Variants in PDE4B observed in about 807,000 individuals in gnomAD.
PDE4B encodes phosphodiesterase 4B, also known as 3',5'-cyclic-AMP phosphodiesterase 4B.
In PDE4B, 20 loss-of-function variants were observed where a neutral mutation model predicts 82.2. The observed-to-expected ratio is 0.24, with a 90% CI of 0.17 to 0.35. The LOEUF (loss-of-function observed/expected upper bound fraction) is 0.35, where lower values mean the gene tolerates loss of function less well. Ranked by LOEUF, PDE4B falls within the 10% of genes least tolerant of loss-of-function variation. The pLI is 1.00. For missense variants in PDE4B, 655 were observed against 907.2 expected (o/e 0.72, Z 3.57); for synonymous variants, 320 against 318.9 (o/e 1.00, Z -0.04).
At chr1:65,974,998 T>C (rs1159637319) in intron 3 of PDE4B, among the ~76,000 whole-genome samples, 2 of 152,172 alleles carry the variant, frequency 1.3e-5, no homozygotes, top group African/African-American at 2.4e-5. Flanking sequence ...GAAGCAACTT[T>C]TGTAACTGGG....
At chr1:66,311,144 A>T (rs1304523340) in intron 7 of PDE4B, among the ~76,000 whole-genome samples, 1 of 152,170 alleles carries the variant, frequency 6.6e-6, no homozygotes, top group African/African-American at 2.4e-5. Flanking sequence ...AGGACCAGTT[A>T]TGCGGTGCAG....
chr1:65,830,219 G>A (rs1010143968), intron 1 of PDE4B, among the ~76,000 whole-genome samples: 5 of 152,040 alleles, frequency 3.3e-5, no homozygotes, highest in South Asian at 2.1e-4. Context: ...ATAAATACAC[G>A]TGCATCTACA....
At chr1:66,011,780 G>A (rs1269265398) in intron 3 of PDE4B, among the ~76,000 whole-genome samples, 2 of 152,028 alleles carry the variant, frequency 1.3e-5, no homozygotes, top group Non-Finnish European at 1.5e-5. Context: ...TGTAACATCT[G>A]AAATTTCAGG....
At position 66,365,538 on chromosome 1, in the gene PDE4B, T is replaced by C. The variant is rs146409890; in HGVS notation, c.1285-129T>C. On this transcript the variant is annotated intron_variant, in intron 12 of 16. Coordinates refer to ENST00000341517, the MANE Select transcript of PDE4B (RefSeq NM_002600.4). ...GAATCTACATTTACTTAAATTAGTA[T>C]ATTGAGATATTACATAAATCAACAA... The C allele has an allele frequency of 1.8e-4, 102 of 562,480 alleles. No homozygotes were observed. In the East Asian group the frequency reaches 2.8e-3, roughly 15 times the overall value. The allele number at this position is 562,480 out of a possible 1,614,324, so 34.8% of individuals were successfully genotyped here.
At chr1:66,258,259 G>A (rs1654404528) in intron 6 of PDE4B, among the ~76,000 whole-genome samples, 1 of 152,178 alleles carries the variant, frequency 6.6e-6, no homozygotes, top group South Asian at 2.1e-4. Context: ...GTAGCAAAAA[G>A]TTCAAGTTCA....
At chr1:65,907,701 T>G (rs1226181866) in intron 1 of PDE4B, among the ~76,000 whole-genome samples, 1 of 152,178 alleles carries the variant, frequency 6.6e-6, no homozygotes, top group Non-Finnish European at 1.5e-5. Context: ...TTCCAAAGAA[T>G]TAGGAGACTT....
At chr1:65,940,076 T>A (rs1025649197) in intron 3 of PDE4B, among the ~76,000 whole-genome samples, 1 of 152,162 alleles carries the variant, frequency 6.6e-6, no homozygotes, top group Non-Finnish European at 1.5e-5. Context: ...AGAGTAAATA[T>A]AAGCTGAGCA....
intron 1 of PDE4B, among the ~76,000 whole-genome samples, chr1:65,891,872 G>A (rs1646856470): frequency 1.3e-5 from 2 of 151,912 alleles, no homozygotes; most frequent in African/African-American, 4.8e-5. Flanking sequence ...TCTTTTAGAG[G>A]TCAAATAATT....
chr1:65,851,639 T>G (rs1242545275), intron 1 of PDE4B, among the ~76,000 whole-genome samples: 1 of 152,066 alleles, frequency 6.6e-6, no homozygotes, highest in Non-Finnish European at 1.5e-5. Context: ...TGCTAGTATA[T>G]AGAAATAAGC....
intron 1 of PDE4B, among the ~76,000 whole-genome samples, chr1:65,900,556 T>C (rs1646960744): frequency 6.6e-6 from 1 of 152,122 alleles, no homozygotes; most frequent in African/African-American, 2.4e-5. Flanking sequence ...ATTATGGGCA[T>C]TTTAATGATA....
intron 7 of PDE4B, among the ~76,000 whole-genome samples, chr1:66,296,089 T>C (rs1245825083): frequency 6.6e-6 from 1 of 152,170 alleles, no homozygotes; most frequent in Non-Finnish European, 1.5e-5. Context: ...TTATTAGGGC[T>C]GTTTGTTTTC....
intron 3 of PDE4B, among the ~76,000 whole-genome samples, chr1:66,084,870 A>G (rs1204303385): frequency 6.6e-6 from 1 of 152,186 alleles, no homozygotes; most frequent in Non-Finnish European, 1.5e-5. Context: ...AGTTACAGGC[A>G]TAGTTCTTGT....
At chr1:65,975,928 C>A (rs931406609) in intron 3 of PDE4B, among the ~76,000 whole-genome samples, 2 of 152,194 alleles carry the variant, frequency 1.3e-5, no homozygotes, top group South Asian at 2.1e-4. Flanking sequence ...TCCTGGAGAA[C>A]CTCTACTAGG....
chr1:66,027,522 A>T (rs902783841), intron 3 of PDE4B, among the ~76,000 whole-genome samples: 2 of 152,136 alleles, frequency 1.3e-5, no homozygotes, highest in Non-Finnish European at 2.9e-5. Context: ...TGCCTTCCCA[A>T]CAATCCCCTG....
intron 3 of PDE4B, among the ~76,000 whole-genome samples, chr1:65,949,754 A>G (rs1225449558): frequency 6.6e-6 from 1 of 152,056 alleles, no homozygotes; most frequent in African/African-American, 2.4e-5. Context: ...GCCTCACTTG[A>G]TACCTTTGTA....
At chr1:66,123,386 T>G (rs1570288839) in intron 3 of PDE4B, among the ~76,000 whole-genome samples, 1 of 152,322 alleles carries the variant, frequency 6.6e-6, no homozygotes, top group East Asian at 1.9e-4. Context: ...CTTACTTTCA[T>G]CGGCACTTTC....
intron 3 of PDE4B, among the ~76,000 whole-genome samples, chr1:65,974,199 A>G (rs532688153): frequency 1.3e-5 from 2 of 152,128 alleles, no homozygotes; most frequent in Non-Finnish European, 2.9e-5. Flanking sequence ...TCCTCCTTAC[A>G]TGTGGCGATA....
intron 7 of PDE4B, among the ~76,000 whole-genome samples, chr1:66,328,585 C>T (rs1253355916): frequency 6.6e-6 from 1 of 152,190 alleles, no homozygotes; most frequent in East Asian, 1.9e-4. Context: ...GGAGTATGTG[C>T]CAGTGGCTTG....
chr1:66,098,042 T>C (rs951081609), intron 3 of PDE4B, among the ~76,000 whole-genome samples: 1 of 152,100 alleles, frequency 6.6e-6, no homozygotes, highest in African/African-American at 2.4e-5. Context: ...TTCTTGCGGA[T>C]GCTCCATGTA....
Sources: allele counts gnomAD v4.1 joint callset (sites outside exome capture counted in the v4.1 genomes callset), GRCh38; gene constraint gnomAD v4.1.1; transcripts MANE v1.5; gene names NCBI Gene and HGNC (gene_info 2026-07-23, HGNC 2026-07-21).